Variants in PKNOX2 observed in about 807,000 individuals in gnomAD.
The protein encoded by PKNOX2 is PBX/knotted 1 homeobox 2, also known as homeobox protein PKNOX2.
A neutral mutation model predicts 53.1 loss-of-function variants in PKNOX2; 14 were observed. The observed-to-expected ratio is 0.26, with a 90% CI of 0.17 to 0.41. The LOEUF is 0.41. Ranked by LOEUF, PKNOX2 falls within the 10% of genes least tolerant of loss-of-function variation. PKNOX2 has a pLI of 1.00. For synonymous variants in PKNOX2, 257 were observed against 242.8 expected (o/e 1.06, Z -0.54); for missense variants, 496 against 602.8 (o/e 0.82, Z 1.85).
At chr11:125,189,754 C>T (rs2135336969) in intron 1 of PKNOX2, among the ~76,000 whole-genome samples, 1 of 151,902 alleles carries the variant, frequency 6.6e-6, no homozygotes, top group East Asian at 1.9e-4. Context: ...TCCCACCTGT[C>T]CCTGTCAACT....
intron 1 of PKNOX2, among the ~76,000 whole-genome samples, chr11:125,174,822 G>T (rs550781312): frequency 6.6e-6 from 1 of 152,138 alleles, no homozygotes; most frequent in Admixed American, 6.5e-5. Flanking sequence ...CCAAATAGCG[G>T]TGGTGGAAGG....
chr11:125,212,449 CTTTTTTTTTTTT>C (rs796083611), intron 1 of PKNOX2, among the ~76,000 whole-genome samples: 2 of 105,396 alleles, frequency 1.9e-5, no homozygotes, highest in African/African-American at 6.9e-5. Context: ...GGAGGGGATT[CTTTTTTTTTTTT>C]TTTTTTTTTT....
intron 2 of PKNOX2, among the ~76,000 whole-genome samples, chr11:125,274,621 G>A (rs544685958): frequency 1.3e-5 from 2 of 152,358 alleles, no homozygotes; most frequent in South Asian, 2.1e-4. Flanking sequence ...GGAACATGTC[G>A]GCTGCAGCTA....
At chr11:125,287,519 G>A (rs1474266386) in intron 2 of PKNOX2, among the ~76,000 whole-genome samples, 2 of 152,186 alleles carry the variant, frequency 1.3e-5, no homozygotes, top group African/African-American at 4.8e-5. Context: ...GGAGGAAGGG[G>A]TGTCTAGGGC....
chr11:125,186,310 T>C (rs1313122038), intron 1 of PKNOX2, among the ~76,000 whole-genome samples: 1 of 152,194 alleles, frequency 6.6e-6, no homozygotes, highest in Non-Finnish European at 1.5e-5. Context: ...TCAGGGAAAA[T>C]ATGCAAGTAT....
intron 2 of PKNOX2, among the ~76,000 whole-genome samples, chr11:125,299,671 G>A (rs879376283): frequency 3.7e-4 from 56 of 152,346 alleles, no homozygotes; most frequent in Admixed American, 5.2e-4. Flanking sequence ...ATTAAAGGAT[G>A]TGGAAGTGTT....
chr11:125,325,594 T>A (rs938055106), intron 2 of PKNOX2, among the ~76,000 whole-genome samples: 1 of 152,228 alleles, frequency 6.6e-6, no homozygotes, highest in Non-Finnish European at 1.5e-5. Flanking sequence ...TTGTCACTAA[T>A]GACAATAGTC....
intron 1 of PKNOX2, among the ~76,000 whole-genome samples, chr11:125,225,955 A>G (rs1482732091): frequency 1.3e-5 from 2 of 152,150 alleles, no homozygotes; most frequent in Non-Finnish European, 2.9e-5. Flanking sequence ...CCAGGGATCA[A>G]CCTGTAGCCC....
At chr11:125,406,756 C>A (rs917762957) in intron 7 of PKNOX2, among the ~76,000 whole-genome samples, 5 of 151,902 alleles carry the variant, frequency 3.3e-5, no homozygotes, top group Non-Finnish European at 7.4e-5. Context: ...GTCCTGCTGA[C>A]CCCATGGGGT....
At chr11:125,368,112 G>A (rs923787191) in intron 5 of PKNOX2, 127 bp downstream of exon 5, 78 of 1,204,558 alleles carry the variant, frequency 6.5e-5, no homozygotes, top group Middle Eastern at 2.6e-4. Flanking sequence ...ATTCTCCCTT[G>A]GCCTCCTTCC....
intron 3 of PKNOX2, among the ~76,000 whole-genome samples, chr11:125,344,468 G>T (rs1225896701): frequency 6.6e-6 from 1 of 152,026 alleles, no homozygotes; most frequent in Admixed American, 6.5e-5. Context: ...GCATTTAAGG[G>T]CTGAAGGAGG....
intron 2 of PKNOX2, among the ~76,000 whole-genome samples, chr11:125,299,472 G>A (rs1947883994): frequency 6.6e-6 from 1 of 152,072 alleles, no homozygotes. Flanking sequence ...GCTGACTGAG[G>A]CCAGGGAAGG....
At chr11:125,383,085 T>TC (rs893049026) in intron 5 of PKNOX2, among the ~76,000 whole-genome samples, 2 of 152,008 alleles carry the variant, frequency 1.3e-5, no homozygotes, top group African/African-American at 4.8e-5. Context: ...TCTCTTTTCC[T>TC]CCCCCACCAC....
chr11:125,351,429 G>A, intron 4 of PKNOX2, 37 bp downstream of exon 4: 2 of 1,358,438 alleles, frequency 1.5e-6, no homozygotes. Flanking sequence ...CACCACGGGG[G>A]AGGGAGTGTG....
intron 1 of PKNOX2, among the ~76,000 whole-genome samples, chr11:125,206,018 G>C (rs543354916): frequency 1.2e-4 from 19 of 152,156 alleles, no homozygotes; most frequent in African/African-American, 4.6e-4. Context: ...TGTGCACCGG[G>C]GTGATCTGGG....
At chr11:125,217,136 C>A (rs1281279918) in intron 1 of PKNOX2, among the ~76,000 whole-genome samples, 2 of 152,076 alleles carry the variant, frequency 1.3e-5, no homozygotes, top group Non-Finnish European at 2.9e-5. Flanking sequence ...CACACACAGG[C>A]ATGTGCACAC....
chr11:125,427,460 C>T (rs1398975640), intron 10 of PKNOX2, among the ~76,000 whole-genome samples: 1 of 152,156 alleles, frequency 6.6e-6, no homozygotes, highest in East Asian at 1.9e-4. Flanking sequence ...ATGCGAGTAC[C>T]ACCAAGGCTG....
At chr11:125,368,130 C>T in intron 5 of PKNOX2, 145 bp downstream of exon 5, 1 of 1,044,046 alleles carries the variant, frequency 9.6e-7, no homozygotes, top group Non-Finnish European at 1.3e-6. Context: ...TCCCTCTCTA[C>T]TCAATCCAGA....
At chr11:125,200,148 C>A (rs961245194) in intron 1 of PKNOX2, among the ~76,000 whole-genome samples, 4 of 152,208 alleles carry the variant, frequency 2.6e-5, no homozygotes, top group African/African-American at 7.2e-5. Flanking sequence ...GCCTTTCCCC[C>A]AGATGGTAAC....
Sources: allele counts gnomAD v4.1 joint callset (sites outside exome capture counted in the v4.1 genomes callset), GRCh38; gene constraint gnomAD v4.1.1; transcripts MANE v1.5; gene names NCBI Gene and HGNC (gene_info 2026-07-23, HGNC 2026-07-21).